Variants in DESI2 observed in about 807,000 individuals in gnomAD.
The protein encoded by DESI2 is desumoylating isopeptidase 2.
DESI2 carries 10 observed loss-of-function variants against 24.1 expected under a neutral mutation model. The ratio of observed to expected loss-of-function variants is 0.41; its 90% confidence interval spans 0.26 to 0.70. The LOEUF (loss-of-function observed/expected upper bound fraction) is 0.70. DESI2 is among the 30% of genes least tolerant of loss of function. The pLI is 0.29. For synonymous variants in DESI2, 71 were observed against 87.7 expected, an observed-to-expected ratio of 0.81 and a Z score of 1.06; for missense variants, 122 against 234.9, an observed-to-expected ratio of 0.52 and a Z score of 3.14.
rs766252668 is a variant in DESI2, at chr1:244,706,918, T to A, written c.*1129T>A. 6.5e-6 allele frequency: 1 copy of A among 152,672 alleles called. No homozygotes were observed. The highest frequency in any genetic ancestry group is 1.5e-5 in the Non-Finnish European group (1 of 68,048). 9.5% of individuals were successfully genotyped at this position (152,672 alleles called of 1,614,324 possible). ...GTGTCTTAAGATTCATATTTATATG[T>A]TCTCTCAAATGTATGTCTCTTACGT... is the stretch of plus-strand genomic sequence containing the variant. On this transcript the variant is annotated 3_prime_UTR_variant, in exon 5 of 5. Coordinates refer to ENST00000302550, the MANE Select transcript of DESI2 (RefSeq NM_016076.5).
At chr1:244,697,178 G>C (rs551517760) in intron 4 of DESI2, among the ~76,000 whole-genome samples, 1 of 152,056 alleles carries the variant, frequency 6.6e-6, no homozygotes, top group Non-Finnish European at 1.5e-5. Flanking sequence ...TCACCAAAAC[G>C]GGGCGGTTGT....
intron 4 of DESI2, among the ~76,000 whole-genome samples, chr1:244,699,637 C>T (rs191358259): frequency 2.1e-3 from 300 of 146,026 alleles, no homozygotes; most frequent in Middle Eastern, 3.8e-3. Context: ...ACTTTTGTCC[C>T]GCTTTAATAT....
rs3059851 is a variant in DESI2, at chr1:244,682,854, CAA to C, written c.43-3728_43-3727del. 6.8e-4 allele frequency among the ~76,000 whole-genome samples: 84 copies of C among 123,296 alleles called. 1 individual carries two copies. The highest frequency in any genetic ancestry group is 2.9e-3 in the South Asian group (10 of 3,500). The allele number at this position is 123,296 out of a possible 152,430, so 80.9% of individuals were successfully genotyped here. A position where few individuals can be genotyped will look rare whatever the true frequency, so the allele number is the denominator to read the frequency against. On this transcript the variant is annotated intron_variant, in intron 1 of 4. Coordinates refer to ENST00000302550, the MANE Select transcript of DESI2 (RefSeq NM_016076.5). ...CAAAAGCATGTATATAGTGTGTTGT[CAA>C]AAAAAAAAAAAAAACTCAGTGATAT...
chr1:244,681,992 G>T (rs1295390957), intron 1 of DESI2, among the ~76,000 whole-genome samples: 1 of 152,182 alleles, frequency 6.6e-6, no homozygotes, highest in Non-Finnish European at 1.5e-5. Context: ...ATGTTCAGAT[G>T]TGTCCAGAGT....
intron 1 of DESI2, among the ~76,000 whole-genome samples, chr1:244,657,157 A>G (rs1280847642): frequency 2.2e-4 from 33 of 152,226 alleles, no homozygotes; most frequent in Non-Finnish European, 8.8e-5. Flanking sequence ...GGACACTTCA[A>G]ATAAGGACAT....
At chr1:244,685,398 C>A (rs896684268) in intron 1 of DESI2, among the ~76,000 whole-genome samples, 1 of 152,090 alleles carries the variant, frequency 6.6e-6, no homozygotes, top group African/African-American at 2.4e-5. Context: ...TATCATATAT[C>A]AAATTCTTAT....
chr1:244,691,782 C>T (rs1038551698), intron 3 of DESI2, 97 bp from the exon 4 acceptor site: 29 of 944,008 alleles, frequency 3.1e-5, no homozygotes, highest in African/African-American at 3.1e-4. Flanking sequence ...CATAATATTC[C>T]TGGAAATAAG....
In DESI2 at chr1:244,689,494, C is replaced by T. The variant is rs1676943749; in HGVS notation, c.209+152C>T. The T allele has an allele frequency of 3.7e-6, 2 of 544,904 alleles. No individual in the cohort carries two copies. The highest frequency in any genetic ancestry group is 2.8e-5 in the South Asian group (1 of 35,152). 33.8% of individuals were successfully genotyped at this position (544,904 alleles called of 1,614,324 possible). On this transcript the variant is annotated intron_variant, in intron 3 of 4. Transcript: ENST00000302550. This position sits in a 1 kb window ranked among gnomAD's most constrained non-coding sequence, Gnocchi z 4.0. ...TGACATTTTATATAACTCAAGTTTG[C>T]CTCAGGAAACTCATTTCTTTTCCTT...
At chr1:244,692,143 G>A in intron 4 of DESI2, 123 bp downstream of exon 4, 4 of 848,594 alleles carry the variant, frequency 4.7e-6, no homozygotes, top group Non-Finnish European at 5.4e-6. Context: ...TATGAAATAT[G>A]GTATTGTATT....
In DESI2 at chr1:244,705,961, G is replaced by C; in HGVS notation, c.*172G>C. On this transcript the variant is annotated 3_prime_UTR_variant, in exon 5 of 5. Transcript: ENST00000302550. ...AATCAAAAAAAAAAAATCACTTGGC[G>C]CAGGAGGGAGAACTTTGTAAGAAGC... 1 of 593,428 alleles carries C rather than the reference G, an allele frequency of 1.7e-6. No homozygotes were observed. Among genetic ancestry groups the C allele is most frequent in the Non-Finnish European group, 3.0e-6 (1 of 337,258 alleles). 36.8% of individuals were successfully genotyped at this position (593,428 alleles called of 1,614,324 possible).
rs1677662265 is a variant in DESI2 at position 244,705,573 on chromosome 1, G to T, written c.369G>T (p.Glu123Asp). ...TTCTGTAGATTCTTTGTGGGAAAGA[G>T]ATTCCTCGCTGGATCAATCGACTTG... ...SALSEILCGK[E>D]IPRWINRLAY... Residue 123 changes from glutamate (E) to aspartate (D), a missense_variant, in exon 5 of 5, where the codon GAG becomes GAT. Glu to Asp is a conservative substitution (Grantham distance 45). This residue lies in a region of DESI2 where 12 missense variants were observed against 31.8 expected (regional missense o/e 0.38). Coordinates refer to ENST00000302550, the MANE Select transcript of DESI2 (RefSeq NM_016076.5). 6.2e-7 allele frequency: 1 copy of T among 1,614,050 alleles called. No homozygotes were observed. The highest frequency in any genetic ancestry group is 1.3e-5 in the African/African-American group (1 of 74,950).
At position 244,708,590 on chromosome 1, in the gene DESI2, C is replaced by T. The variant is rs908346696; in HGVS notation, c.*2801C>T. On this transcript the variant is annotated 3_prime_UTR_variant, in exon 5 of 5. Transcript: ENST00000302550. ...TCCATGGCTTCTTTCCATCACAAAA[C>T]GGGTAGAAACACATTCACTGCTTCA... 9 of 152,614 alleles carry T rather than the reference C, an allele frequency of 5.9e-5. No homozygotes were observed. Among genetic ancestry groups the T allele is most frequent in the African/African-American group, 9.7e-5 (4 of 41,430 alleles). 9.5% of individuals were successfully genotyped at this position (152,614 alleles called of 1,614,324 possible). A position where few individuals can be genotyped will look rare whatever the true frequency, so the allele number is the denominator to read the frequency against.
intron 1 of DESI2, among the ~76,000 whole-genome samples, chr1:244,660,733 A>G (rs1258158341): frequency 6.6e-6 from 1 of 152,234 alleles, no homozygotes; most frequent in East Asian, 1.9e-4. Context: ...CTTAAAAACA[A>G]TAAATTAAAA....
intron 1 of DESI2, 73 bp downstream of exon 1, chr1:244,653,428 G>GA: frequency 6.9e-7 from 1 of 1,457,032 alleles, no homozygotes; most frequent in Non-Finnish European, 9.2e-7. Flanking sequence ...CTCGGACCCC[G>GA]GCCCCAGGCG....
intron 1 of DESI2, among the ~76,000 whole-genome samples, chr1:244,672,727 A>AT (rs1277860647): frequency 6.6e-6 from 1 of 152,030 alleles, no homozygotes; most frequent in Non-Finnish European, 1.5e-5. Flanking sequence ...AAATACAAAA[A>AT]TTAGCCAGGC....
At chr1:244,660,477 A>T (rs1048294906) in intron 1 of DESI2, among the ~76,000 whole-genome samples, 2 of 152,142 alleles carry the variant, frequency 1.3e-5, no homozygotes, top group Admixed American at 1.3e-4. Flanking sequence ...GATTTTTCTT[A>T]AGATGGGATG....
At chr1:244,654,260 G>A (rs1260841114) in intron 1 of DESI2, among the ~76,000 whole-genome samples, 1 of 152,218 alleles carries the variant, frequency 6.6e-6, no homozygotes, top group Admixed American at 6.5e-5. Flanking sequence ...TTGTTCTGTA[G>A]ACTGGATTAG....
chr1:244,695,651 C>G (rs1360998838), intron 4 of DESI2, among the ~76,000 whole-genome samples: 1 of 151,966 alleles, frequency 6.6e-6, no homozygotes, highest in Non-Finnish European at 1.5e-5. Flanking sequence ...AAAACTCCAT[C>G]TGAAAAAAAT....
chr1:244,699,306 A>G (rs1677345108), intron 4 of DESI2, among the ~76,000 whole-genome samples: 1 of 152,158 alleles, frequency 6.6e-6, no homozygotes, highest in Admixed American at 6.5e-5. Flanking sequence ...TTTTCTGGCC[A>G]GGTGCGGTGG....
Sources: gnomAD v4.1 joint callset for allele counts (sites outside exome capture counted in the v4.1 genomes callset) on GRCh38, gnomAD v4.1.1 for gene constraint, gnomAD v4.1.1 regional missense constraint, Gnocchi (gnomAD v3.1) non-coding constraint, MANE v1.5 for transcripts, NCBI Gene and HGNC (gene_info 2026-07-23, HGNC 2026-07-21) for gene names.